Variants in NDP observed in about 807,000 individuals in gnomAD.
The protein encoded by NDP is norrin.
NDP carries 2 observed loss-of-function variants against 8.4 expected under a neutral mutation model. That is an observed-to-expected ratio of 0.24 (90% CI 0.10 to 0.75). The LOEUF (loss-of-function observed/expected upper bound fraction) is 0.75. Ranked by LOEUF, NDP falls within the 30% of genes least tolerant of loss-of-function variation. NDP has a pLI of 0.73. For missense variants in NDP, 81 were observed against 110.1 expected (o/e 0.74, Z 1.18); for synonymous variants, 55 against 45.6 (o/e 1.21, Z -0.83).
intron 1 of NDP, among the ~76,000 whole-genome samples, chrX:43,968,915 C>G (rs2239444): frequency 0.33 from 36,535 of 110,596 alleles, 4,667 homozygotes; most frequent in African/African-American, 0.44. Flanking sequence ...CTTTTGGGTC[C>G]TTTAATGAAT....
At chrX:43,959,102 A>G (rs189471055) in intron 1 of NDP, among the ~76,000 whole-genome samples, 250 of 112,083 alleles carry the variant, frequency 2.2e-3, no homozygotes, top group Non-Finnish European at 4.0e-3. Context: ...GCTGAAGTCC[A>G]TGTTCCTAGG....
At chrX:43,965,508 C>G (rs759062611) in intron 1 of NDP, among the ~76,000 whole-genome samples, 94 of 111,637 alleles carry the variant, frequency 8.4e-4, no homozygotes, top group African/African-American at 2.9e-3. Context: ...TCTCTTAAAA[C>G]TGTCTTAAAA....
intron 1 of NDP, among the ~76,000 whole-genome samples, chrX:43,961,733 T>C (rs1412927853): frequency 8.9e-6 from 1 of 111,755 alleles, no homozygotes. Context: ...ACTAAGTTAA[T>C]GGATGTTTAC....
chrX:43,970,923 C>T (rs1265471508), intron 1 of NDP, among the ~76,000 whole-genome samples: 3 of 111,775 alleles, frequency 2.7e-5, no homozygotes, highest in African/African-American at 9.8e-5. Flanking sequence ...AAGATCTAGC[C>T]GTGTTAGCTG....
intron 1 of NDP, among the ~76,000 whole-genome samples, chrX:43,970,407 G>A (rs1018476412): frequency 4.5e-5 from 5 of 112,316 alleles, no homozygotes; most frequent in African/African-American, 1.6e-4. Context: ...CTGAGGGCTG[G>A]CTAGGGTGAG....
chrX:43,956,394 T>C (rs964555103), intron 2 of NDP, among the ~76,000 whole-genome samples: 5 of 112,074 alleles, frequency 4.5e-5, no homozygotes, highest in African/African-American at 9.7e-5. Flanking sequence ...CCCAGTCTTT[T>C]CTTTGTAAAA....
intron 1 of NDP, among the ~76,000 whole-genome samples, chrX:43,964,458 G>C (rs997166719): frequency 9.0e-6 from 1 of 111,142 alleles, no homozygotes; most frequent in African/African-American, 3.3e-5. Context: ...TGTCTGAGGA[G>C]GGACTGGAGT....
intron 1 of NDP, among the ~76,000 whole-genome samples, chrX:43,964,446 A>G (rs1483897930): frequency 9.0e-6 from 1 of 111,095 alleles, no homozygotes; most frequent in Non-Finnish European, 1.9e-5. Context: ...GAAAAGTTTT[A>G]CTGTCTGAGG....
At chrX:43,965,670 G>C (rs5905578) in intron 1 of NDP, among the ~76,000 whole-genome samples, 36,158 of 110,075 alleles carry the variant, frequency 0.33, 4,656 homozygotes, top group African/African-American at 0.43. Context: ...TTTGAAAGAC[G>C]CTTATTTCTT....
intron 2 of NDP, among the ~76,000 whole-genome samples, chrX:43,956,504 A>G (rs975770882): frequency 8.9e-6 from 1 of 112,053 alleles, no homozygotes; most frequent in Non-Finnish European, 1.9e-5. Context: ...GAGACCCATT[A>G]GAGAAAAGAT....
intron 1 of NDP, among the ~76,000 whole-genome samples, chrX:43,971,265 A>C (rs1384927849): frequency 8.9e-6 from 1 of 112,195 alleles, no homozygotes; most frequent in Non-Finnish European, 1.9e-5. Flanking sequence ...AAATTGATGA[A>C]ATAAATAATT....
chrX:43,956,377 A>C (rs1212456797), intron 2 of NDP, among the ~76,000 whole-genome samples: 1 of 111,918 alleles, frequency 8.9e-6, no homozygotes, highest in African/African-American at 3.2e-5. Flanking sequence ...GAGACAAAAA[A>C]ATCTATCCCA....
intron 1 of NDP, 46 bp from the exon 2 acceptor site, chrX:43,958,898 A>G: frequency 2.6e-6 from 1 of 380,435 alleles, no homozygotes; most frequent in Non-Finnish European, 4.7e-6. Context: ...ATTTACCCAG[A>G]ACCACTAATG....
chrX:43,954,070 C>G (rs916855655), intron 2 of NDP, among the ~76,000 whole-genome samples: 1 of 112,305 alleles, frequency 8.9e-6, no homozygotes, highest in Non-Finnish European at 1.9e-5. Flanking sequence ...GATTTTACTC[C>G]GACAGAGTGG....
At chrX:43,967,907 A>G (rs967303035) in intron 1 of NDP, among the ~76,000 whole-genome samples, 4 of 111,472 alleles carry the variant, frequency 3.6e-5, no homozygotes, top group Non-Finnish European at 7.5e-5. Context: ...GCCTTGGAAG[A>G]GAGCAAATTG....
At position 43,958,568 on chromosome X, in the gene NDP, C is replaced by T. The variant is rs1447367005; in HGVS notation, c.78G>A (p.Thr26=). ...CCGAGTCCATTATGAATGAGCTGTC[C>T]GTTTTACTGTCTGTATCTCCCATTA... ...LVIMGDTDSK[T]DSSFIMDSDP... Residue 26 remains threonine (T), a synonymous_variant, in exon 2 of 3, where the codon ACG becomes ACA. Coordinates refer to ENST00000642620, the MANE Select transcript of NDP (RefSeq NM_000266.4). 6.6e-6 allele frequency: 8 copies of T among 1,209,437 alleles called. No homozygotes were observed. Among genetic ancestry groups the T allele is most frequent in the South Asian group, 1.8e-5 (1 of 56,868 alleles).
chrX:43,955,614 A>T (rs1201401405), intron 2 of NDP, among the ~76,000 whole-genome samples: 2 of 112,574 alleles, frequency 1.8e-5, no homozygotes, highest in Non-Finnish European at 3.7e-5. Context: ...TTCCATGAAG[A>T]TTATAAATGA....
At chrX:43,950,080 G>C in intron 2 of NDP, 54 bp from the exon 3 acceptor site, 1 of 1,041,479 alleles carries the variant, frequency 9.6e-7, no homozygotes, top group Admixed American at 2.6e-5. Flanking sequence ...ACCTTAGCCA[G>C]GTAAAACAGC....
rs1213176369 is a variant in NDP at position 43,958,729 on chromosome X, C to G, written c.-84G>C. The G allele has an allele frequency of 1.2e-6, 1 of 837,018 alleles. No individual in the cohort carries two copies. The highest frequency in any genetic ancestry group is 2.0e-5 in the African/African-American group (1 of 49,798). 69.0% of individuals were successfully genotyped at this position (837,018 alleles called of 1,213,427 possible). A position where few individuals can be genotyped will look rare whatever the true frequency, so the allele number is the denominator to read the frequency against. ...GGAAATGGCTTCACCTCCTAGGATC[C>G]AGTCCCGTTCAAGGAAAGGGCAGGA... On this transcript the variant is annotated 5_prime_UTR_variant, in exon 2 of 3. Transcript: ENST00000642620.
Sources: allele counts gnomAD v4.1 joint callset (sites outside exome capture counted in the v4.1 genomes callset), GRCh38; gene constraint gnomAD v4.1.1; transcripts MANE v1.5; gene names NCBI Gene and HGNC (gene_info 2026-07-23, HGNC 2026-07-21).